The following PBLD variants were observed in gnomAD, a reference collection of about 807,000 sequenced individuals.
The protein encoded by PBLD is phenazine biosynthesis like protein domain containing.
Under a neutral mutation model 31.3 loss-of-function variants are expected in PBLD, and 26 were observed. That is an observed-to-expected ratio of 0.83 (90% CI 0.61 to 1.15). The LOEUF is 1.15. Among genes scored for constraint, PBLD ranks in the 50% most tolerant of loss-of-function variants. The pLI, the probability that PBLD is intolerant of heterozygous loss-of-function variation, is 0.00. For missense variants in PBLD, 307 were observed against 351.7 expected (o/e 0.87, Z 1.02); for synonymous variants, 114 against 129.0 (o/e 0.88, Z 0.79).
intron 2 of PBLD, among the ~76,000 whole-genome samples, chr10:68,303,711 C>A (rs900686752): frequency 2.0e-5 from 3 of 152,004 alleles, no homozygotes; most frequent in African/African-American, 7.2e-5. Flanking sequence ...AGTCTTTTAT[C>A]AAGTGTTCAA....
intron 3 of PBLD, 61 bp from the exon 4 acceptor site, chr10:68,296,425 T>G: frequency 7.9e-7 from 1 of 1,270,944 alleles, no homozygotes; most frequent in South Asian, 1.2e-5. Context: ...GTCACAGATT[T>G]CTCATTTTCT....
intron 2 of PBLD, among the ~76,000 whole-genome samples, chr10:68,301,443 A>G (rs2044505175): frequency 6.6e-6 from 1 of 152,208 alleles, no homozygotes. Context: ...TTTTCTGTGG[A>G]AACTGGTCCA....
At chr10:68,310,510 T>TATA (rs2044652260) in intron 1 of PBLD, among the ~76,000 whole-genome samples, 2 of 149,844 alleles carry the variant, frequency 1.3e-5, no homozygotes, top group South Asian at 4.3e-4. Context: ...GTATATTAAC[T>TATA]ATAGTCATGA....
chr10:68,318,554 C>T (rs1367987347), intron 1 of PBLD, among the ~76,000 whole-genome samples: 1 of 149,656 alleles, frequency 6.7e-6, no homozygotes, highest in African/African-American at 2.5e-5. Context: ...CTGCATAAAG[C>T]AATAGTCATA....
intron 1 of PBLD, among the ~76,000 whole-genome samples, chr10:68,317,635 A>G (rs1410409544): frequency 6.6e-6 from 1 of 151,878 alleles, no homozygotes; most frequent in Non-Finnish European, 1.5e-5. Context: ...GTCTCTACCA[A>G]AAAAAATTAC....
rs193105595 is a variant in PBLD at position 68,308,819 on chromosome 10, C to T, written c.-59-1916G>A. On this transcript the variant is annotated intron_variant, in intron 1 of 9. Transcript: ENST00000358769. The stretch of plus-strand genomic sequence containing the variant: ...CCTCCCAAAGAGCTGGGATTGCAGG[C>T]GTGCCCCACTGCACCTGACCTGCAT... 3.1e-3 allele frequency among the ~76,000 whole-genome samples: 460 copies of T among 146,588 alleles called. 33 individuals are homozygous for T. The highest frequency in any genetic ancestry group is 0.011 in the African/African-American group (438 of 39,370).
chr10:68,325,698 C>T (rs2044908826), intron 1 of PBLD, among the ~76,000 whole-genome samples: 2 of 152,224 alleles, frequency 1.3e-5, no homozygotes, highest in African/African-American at 4.8e-5. Context: ...GTTTCACCTG[C>T]TTAGAGTTTC....
chr10:68,319,051 GAGAGAA>G (rs1172320146), intron 1 of PBLD, among the ~76,000 whole-genome samples: 71 of 98,744 alleles, frequency 7.2e-4, no homozygotes, highest in African/African-American at 2.9e-3. Context: ...GAAAGAAAGA[GAGAGAA>G]AGAAAGAAAG....
At chr10:68,324,289 G>A (rs1459247357) in intron 1 of PBLD, among the ~76,000 whole-genome samples, 1 of 151,744 alleles carries the variant, frequency 6.6e-6, no homozygotes, top group Non-Finnish European at 1.5e-5. Flanking sequence ...CGATTCTCCT[G>A]CCTCAGCCTC....
At chr10:68,293,573 G>T (rs186407440) in intron 4 of PBLD, among the ~76,000 whole-genome samples, 3 of 152,144 alleles carry the variant, frequency 2.0e-5, no homozygotes, top group Admixed American at 2.0e-4. Context: ...TTCTCATTAC[G>T]ATTTGCATAA....
At chr10:68,331,155 A>T (rs2045065120) in intron 1 of PBLD, 1 of 152,354 alleles carries the variant, frequency 6.6e-6, no homozygotes, top group East Asian at 1.9e-4. Flanking sequence ...CACCGCGGCC[A>T]GCCTTTTTTG....
intron 1 of PBLD, among the ~76,000 whole-genome samples, chr10:68,323,656 GT>G (rs2044869631): frequency 6.6e-6 from 1 of 152,116 alleles, no homozygotes; most frequent in African/African-American, 2.4e-5. Flanking sequence ...AAAGTTTGTT[GT>G]TTTAAGCTGT....
At chr10:68,302,422 T>C (rs1456561951) in intron 2 of PBLD, among the ~76,000 whole-genome samples, 1 of 152,220 alleles carries the variant, frequency 6.6e-6, no homozygotes, top group African/African-American at 2.4e-5. Context: ...AACCTGAATA[T>C]GACAGTCCCG....
intron 2 of PBLD, among the ~76,000 whole-genome samples, chr10:68,300,550 C>T (rs1329036092): frequency 6.6e-6 from 1 of 152,144 alleles, no homozygotes; most frequent in Admixed American, 6.5e-5. Context: ...TCTTGGGCCT[C>T]CGACATTCTG....
intron 4 of PBLD, among the ~76,000 whole-genome samples, chr10:68,295,231 G>A (rs1435522155): frequency 1.3e-5 from 2 of 152,192 alleles, no homozygotes; most frequent in African/African-American, 4.8e-5. Flanking sequence ...GGTGGCTCAT[G>A]CCTGTAATCC....
Position 68,285,421 on chromosome 10 carries a change from G to A in PBLD, c.692-11C>T. On this transcript the variant is annotated splice_polypyrimidine_tract_variant and intron_variant, in intron 8 of 9. Coordinates refer to ENST00000358769, the MANE Select transcript of PBLD (RefSeq NM_022129.4). ...CAGCGTGTGCAGACCCTCAAAAGAA[G>A]TGAAAAGTTAGGAGACAATCCCCAA... 1 of 1,590,472 alleles carries A rather than the reference G, an allele frequency of 6.3e-7. No homozygotes were observed. Among genetic ancestry groups the A allele is most frequent in the Non-Finnish European group, 8.5e-7 (1 of 1,172,534 alleles).
chr10:68,320,332 T>C (rs1217465272), intron 1 of PBLD, among the ~76,000 whole-genome samples: 1 of 152,144 alleles, frequency 6.6e-6, no homozygotes, highest in African/African-American at 2.4e-5. Flanking sequence ...AAGACAATTA[T>C]AAACATATAC....
In PBLD at chr10:68,296,349, A is replaced by T; in HGVS notation, c.200T>A (p.Leu67Gln). The T allele has an allele frequency of 6.2e-7, 1 of 1,612,916 alleles. No individual in the cohort carries two copies. Among genetic ancestry groups the T allele is most frequent in the Non-Finnish European group, 8.5e-7 (1 of 1,179,096 alleles). Reference protein sequence around the residue: ...DNFAQSSCFGLRWFTPASEVP... With the variant: ...DNFAQSSCFGQRWFTPASEVP... ...CTCACTCGCTGGTGTAAACCATCTC[A>T]GTCCAAAGCAGGAACCTGAGGATAG... Residue 67 changes from leucine (L) to glutamine (Q), a missense_variant, in exon 4 of 10, where the codon CTG becomes CAG. Coordinates refer to ENST00000358769, the MANE Select transcript of PBLD (RefSeq NM_022129.4).
chr10:68,309,669 A>G lies in PBLD; in HGVS notation c.-59-2766T>C, dbSNP rs1023259302. On this transcript the variant is annotated intron_variant, in intron 1 of 9. Transcript: ENST00000358769. ...CTAAAAATACAGAAATCAGCTGGGC[A>G]TGGTGGCACATGCCTGTAATCCCAG... Among the ~76,000 whole-genome samples, 6 of 147,866 alleles carry G rather than the reference A, an allele frequency of 4.1e-5. 1 individual carries two copies. The highest frequency in any genetic ancestry group is 2.1e-4 in the Admixed American group (3 of 14,470).
Sources: gnomAD v4.1 joint callset for allele counts (sites outside exome capture counted in the v4.1 genomes callset) on GRCh38, gnomAD v4.1.1 for gene constraint, MANE v1.5 for transcripts, NCBI Gene and HGNC (gene_info 2026-07-23, HGNC 2026-07-21) for gene names.